Variants in COL25A1 observed in about 807,000 individuals in gnomAD.
The protein encoded by COL25A1 is collagen alpha-1(XXV) chain.
In COL25A1, 103 loss-of-function variants were observed where a neutral mutation model predicts 128.4. That is an observed-to-expected ratio of 0.80 (90% confidence interval 0.68 to 0.94). The LOEUF (loss-of-function observed/expected upper bound fraction) is 0.94, where lower values mean the gene tolerates loss of function less well. Among genes scored for constraint, COL25A1 ranks in the 40% least tolerant of loss-of-function variants. The pLI is 0.00. For missense variants in COL25A1, 745 were observed against 840.0 expected, an observed-to-expected ratio of 0.89 and a Z score of 1.40; for synonymous variants, 279 against 277.2, an observed-to-expected ratio of 1.01 and a Z score of -0.06.
chr4:109,199,044 G>A (rs1026258795), intron 3 of COL25A1, among the ~76,000 whole-genome samples: 2 of 152,170 alleles, frequency 1.3e-5, no homozygotes, highest in Admixed American at 1.3e-4. Flanking sequence ...GATTTGATGG[G>A]TGCAGCCAAG....
intron 24 of COL25A1, among the ~76,000 whole-genome samples, chr4:108,853,381 C>CGTGT (rs889430135): frequency 1.5e-5 from 1 of 67,026 alleles, no homozygotes; most frequent in Non-Finnish European, 3.6e-5. Flanking sequence ...TGTGTTTGTG[C>CGTGT]GTGTGTGTGT....
At chr4:109,081,664 C>G (rs771248772) in intron 3 of COL25A1, among the ~76,000 whole-genome samples, 2 of 152,110 alleles carry the variant, frequency 1.3e-5, no homozygotes, top group Admixed American at 6.6e-5. Flanking sequence ...ATCTCCACCC[C>G]CAACCCAGCC....
chr4:108,838,167 C>T (rs988293917), intron 31 of COL25A1: 1 of 1,550,208 alleles, frequency 6.5e-7, no homozygotes. Flanking sequence ...CACCATTTAA[C>T]CCTGGTTCAC....
intron 24 of COL25A1, among the ~76,000 whole-genome samples, chr4:108,857,539 C>CA (rs1232059557): frequency 7.0e-6 from 1 of 142,134 alleles, no homozygotes; most frequent in Non-Finnish European, 1.5e-5. Context: ...ATGAAAAGGC[C>CA]AAAAAATAGG....
chr4:109,016,861 C>T (rs1757260563), intron 5 of COL25A1, among the ~76,000 whole-genome samples: 1 of 152,242 alleles, frequency 6.6e-6, no homozygotes, highest in Admixed American at 6.5e-5. Flanking sequence ...CTCCAGTTGT[C>T]CATGTACCTC....
intron 31 of COL25A1, 153 bp from the exon 32 acceptor site, chr4:108,832,586 A>T: frequency 1.8e-6 from 1 of 567,100 alleles, no homozygotes. Flanking sequence ...ATTTCAGGCC[A>T]GCGGTTTTCA....
chr4:109,235,817 A>G lies in COL25A1; in HGVS notation c.367+64766T>C, dbSNP rs143770338. Among the ~76,000 whole-genome samples the G allele has an allele frequency of 8.5e-5, 13 of 152,166 alleles. No homozygotes were observed. In the East Asian group the frequency reaches 2.5e-3, roughly 29 times the overall value. ...TGTGTGACACAGATTTTGCAGTTAC[A>G]TTCAGGTGTAATTTCATCTATGGTG... On this transcript the variant is annotated intron_variant, in intron 3 of 37. Transcript: ENST00000399132.
chr4:109,019,557 A>G (rs1757536960), intron 5 of COL25A1, among the ~76,000 whole-genome samples: 1 of 151,946 alleles, frequency 6.6e-6, no homozygotes, highest in African/African-American at 2.4e-5. Context: ...CACGTCTTAC[A>G]TGGTGGCAGC....
intron 8 of COL25A1, among the ~76,000 whole-genome samples, chr4:108,951,228 T>C (rs7655376): frequency 0.044 from 6,629 of 152,176 alleles, 370 homozygotes; most frequent in African/African-American, 0.13. Flanking sequence ...AAGGTTTTTA[T>C]ACAACGAAGG....
intron 3 of COL25A1, among the ~76,000 whole-genome samples, chr4:109,285,512 C>T (rs1723792684): frequency 6.6e-6 from 1 of 152,126 alleles, no homozygotes; most frequent in South Asian, 2.1e-4. Context: ...AAAATACTAG[C>T]CAAGGCAGCG....
chr4:108,829,961 C>T lies in COL25A1; in HGVS notation c.1710+2419G>A, dbSNP rs1156307183. On this transcript the variant is annotated intron_variant, in intron 32 of 37. Coordinates refer to ENST00000399132, the MANE Select transcript of COL25A1 (RefSeq NM_198721.4). Reference sequence around the variant, plus strand: ...CTTGGACCACTGTGCCCAGCTTGTCCGTGGTCAGAAGACAATGCCAACATG... The same window carrying T: ...CTTGGACCACTGTGCCCAGCTTGTCTGTGGTCAGAAGACAATGCCAACATG... Among the ~76,000 whole-genome samples, 4 of 152,152 alleles carry T rather than the reference C, an allele frequency of 2.6e-5. No individual in the cohort carries two copies. In the East Asian group the frequency reaches 5.8e-4, roughly 22 times the overall value.
At chr4:109,273,330 T>C (rs1227321682) in intron 3 of COL25A1, among the ~76,000 whole-genome samples, 2 of 152,166 alleles carry the variant, frequency 1.3e-5, no homozygotes, top group Non-Finnish European at 2.9e-5. Context: ...TCCCCAATTG[T>C]TTATTAAACT....
At chr4:109,244,614 T>A (rs1235706791) in intron 3 of COL25A1, among the ~76,000 whole-genome samples, 2 of 152,208 alleles carry the variant, frequency 1.3e-5, no homozygotes, top group African/African-American at 2.4e-5. Flanking sequence ...GATCACTTTT[T>A]AAAAAAATAC....
chr4:108,974,552 G>C lies in COL25A1; in HGVS notation c.446C>G (p.Pro149Arg), dbSNP rs776886616. 2 of 1,580,606 alleles carry C rather than the reference G, an allele frequency of 1.3e-6. No homozygotes were observed. Among genetic ancestry groups the C allele is most frequent in the Admixed American group, 1.8e-5 (1 of 57,072 alleles). The stretch of plus-strand genomic sequence containing the variant: ...TCTTACCTTATCGCCTTTTGGACCA[G>C]GAGGGCCCTGAAAAAAAGAAAGAGA... ...PPGQPGPQGP[P>R]GPKGDKGEQG... is the part of the protein sequence containing the mutation. The change falls in exon 7 of 38, where the codon CCT (proline) becomes CGT (arginine). Residue 149 changes from proline (P) to arginine (R), a missense_variant. Pro to Arg is a moderately radical substitution (Grantham distance 103, BLOSUM62 -2). Transcript: ENST00000399132.
At position 109,050,072 on chromosome 4, in the gene COL25A1, A is replaced by C. The variant is rs367975154; in HGVS notation, c.412+63T>G. 17 of 1,352,294 alleles carry C rather than the reference A, an allele frequency of 1.3e-5. No homozygotes were observed. The African/African-American group carries it at 2.2e-4, about 17-fold the overall frequency. The allele number at this position is 1,352,294 out of a possible 1,614,324, so 83.8% of individuals were successfully genotyped here. ...AAGACAATATTATCATTAATTAGGA[A>C]GAACAGATGCCGGAACTTAACCAGA... On this transcript the variant is annotated intron_variant, in intron 4 of 37. Coordinates refer to ENST00000399132, the MANE Select transcript of COL25A1 (RefSeq NM_198721.4).
intron 3 of COL25A1, among the ~76,000 whole-genome samples, chr4:109,225,916 A>G (rs1445377986): frequency 6.6e-6 from 1 of 151,900 alleles, no homozygotes; most frequent in East Asian, 1.9e-4. Context: ...GTTACACACT[A>G]GTCACACGCT....
chr4:108,946,432 T>A (rs2125936963), intron 8 of COL25A1, among the ~76,000 whole-genome samples: 1 of 152,370 alleles, frequency 6.6e-6, no homozygotes, highest in Middle Eastern at 3.4e-3. Flanking sequence ...CTTCTGATTC[T>A]AAACTTTGTC....
intron 3 of COL25A1, among the ~76,000 whole-genome samples, chr4:109,069,735 A>G (rs1006871675): frequency 6.6e-6 from 1 of 152,190 alleles, no homozygotes; most frequent in African/African-American, 2.4e-5. Context: ...AAATCTTCAT[A>G]TCCCTCTATG....
chr4:108,887,245 T>A (rs1740942701), intron 18 of COL25A1, among the ~76,000 whole-genome samples: 1 of 152,144 alleles, frequency 6.6e-6, no homozygotes, highest in African/African-American at 2.4e-5. Flanking sequence ...GTCACAATAT[T>A]CTGTACTTTT....
Sources: allele counts gnomAD v4.1 joint callset (sites outside exome capture counted in the v4.1 genomes callset), GRCh38; gene constraint gnomAD v4.1.1; transcripts MANE v1.5; gene names NCBI Gene and HGNC (gene_info 2026-07-23, HGNC 2026-07-21).